PLEC: variants seen among roughly 807,000 people sequenced by gnomAD.
PLEC encodes the protein hemidesmosomal protein 1.
A neutral mutation model predicts 392.8 loss-of-function variants in PLEC; 216 were observed. The ratio of observed to expected loss-of-function variants is 0.55; its 90% CI spans 0.49 to 0.62. The LOEUF (loss-of-function observed/expected upper bound fraction) is 0.62, where lower values mean the gene tolerates loss of function less well. PLEC is among the 20% of genes least tolerant of loss of function. The probability of loss-of-function intolerance (pLI) is 0.00; values close to 1 mark genes in which losing one functional copy is unlikely to be tolerated. For synonymous variants in PLEC, 3,621 were observed against 2,980.6 expected (o/e 1.21, Z -7.00); for missense variants, 6,863 against 6,563.4 (o/e 1.05, Z -1.58).
At position 143,924,565 on chromosome 8, in the gene PLEC, C is replaced by T; in HGVS notation, c.5364G>A (p.Arg1788=). ...SRSTSEKSKQ[R]LEAEAGRFRE... is the part of the protein sequence containing the mutation. ...GGAACCGGCCGGCCTCGGCCTCCAG[C>T]CTCTGCTTGGACTTCTCGCTGGTGG... The change falls in exon 31 of 32, where the codon AGG becomes AGA. Residue 1788 remains arginine, a synonymous_variant. Coordinates refer to ENST00000345136, the MANE Select transcript of PLEC (RefSeq NM_201384.3). 1 of 1,549,028 alleles carries T rather than the reference C, an allele frequency of 6.5e-7. No individual in the cohort carries two copies. Among genetic ancestry groups the T allele is most frequent in the Non-Finnish European group, 8.7e-7 (1 of 1,154,466 alleles).
At chr8:143,952,955 T>A (rs1158659698), upstream of PLEC, among the ~76,000 whole-genome samples, 1 of 149,204 alleles carries the variant, frequency 6.7e-6, no homozygotes, top group Non-Finnish European at 1.5e-5. Context: ...TGGCCCACCC[T>A]GCCAGCTCCG....
At chr8:143,971,741 C>G (rs911167117) in intron 1 of PLEC, among the ~76,000 whole-genome samples, 1 of 152,172 alleles carries the variant, frequency 6.6e-6, no homozygotes, top group African/African-American at 2.4e-5. Context: ...CACACACATG[C>G]GGGCAGCTGC....
At position 143,917,863 on chromosome 8, in the gene PLEC, C is replaced by T. The variant is rs782448637; in HGVS notation, c.11958G>A (p.Thr3986=). Residue 3986 remains threonine (T), a synonymous_variant, in exon 32 of 32, where the codon ACG becomes ACA. Coordinates refer to ENST00000345136, the MANE Select transcript of PLEC (RefSeq NM_201384.3). ...TGCCCATACGCACAGCCTCCTCCAC[C>T]GTCAGCTTCAGTCCCTTGATGGGGT... is the stretch of plus-strand genomic sequence containing the variant. ...VIDPIKGLKL[T]VEEAVRMGIV... is the part of the protein sequence containing the mutation. 1.6e-5 allele frequency: 26 copies of T among 1,613,028 alleles called. No homozygotes were observed. Among genetic ancestry groups the T allele is most frequent in the South Asian group, 6.6e-5 (6 of 91,086 alleles).
Position 143,926,777 on chromosome 8 carries a change from G to A in PLEC, c.4044+7C>T. On this transcript the variant is annotated splice_region_variant and intron_variant, in intron 30 of 31. Coordinates refer to ENST00000345136, the MANE Select transcript of PLEC (RefSeq NM_201384.3). ...CCTCTGCCCAGCCTCCGCCCAACGGGCTGTACCTCCTCCTCCTCCATGCGC... is the reference window on the plus strand; with the variant it reads ...CCTCTGCCCAGCCTCCGCCCAACGGACTGTACCTCCTCCTCCTCCATGCGC... 10 of 1,609,752 alleles carry A rather than the reference G, an allele frequency of 6.2e-6. No individual in the cohort carries two copies. Among genetic ancestry groups the A allele is most frequent in the Non-Finnish European group, 8.5e-6 (10 of 1,176,420 alleles).
chr8:143,953,832 A>G, upstream of PLEC: 1 of 1,605,638 alleles, frequency 6.2e-7, no homozygotes, highest in East Asian at 2.2e-5. Context: ...CCCGCACCGC[A>G]CTGCCCAGGC....
Position 143,925,802 on chromosome 8 carries a change from G to A in PLEC, c.4127C>T (p.Ala1376Val). The part of the protein sequence containing the change: ...EAALEKQRQL[A>V]EAHAQAKAQA... ...TGCCTTTGCCTGGGCGTGCGCCTCGGCCAGCTGCCGCTGCTTCTCCAGCGC... is the reference window on the plus strand; with the variant it reads ...TGCCTTTGCCTGGGCGTGCGCCTCGACCAGCTGCCGCTGCTTCTCCAGCGC... The change falls in exon 31 of 32, where the codon GCC becomes GTC. Residue 1376 changes from alanine (A) to valine (V), a missense_variant. Ala to Val is a moderately conservative substitution (Grantham distance 64). Transcript: ENST00000345136. 2 of 1,569,646 alleles carry A rather than the reference G, an allele frequency of 1.3e-6. No individual in the cohort carries two copies. Among genetic ancestry groups the A allele is most frequent in the South Asian group, 2.3e-5 (2 of 87,678 alleles).
At chr8:143,952,198 ACACACACACACGCG>A (rs1323222223), upstream of PLEC, among the ~76,000 whole-genome samples, 1 of 125,324 alleles carries the variant, frequency 8.0e-6, no homozygotes, top group Non-Finnish European at 1.7e-5. Flanking sequence ...ACACACACAC[ACACACACACACGCG>A]CGCACACACG....
At position 143,924,781 on chromosome 8, in the gene PLEC, G is replaced by C. The variant is rs1554698979; in HGVS notation, c.5148C>G (p.Ile1716Met). ...QQRLAAEQELIRLRAETEQGE... is the reference protein window; with the variant it reads ...QQRLAAEQELMRLRAETEQGE... ...CCTGCTCCGTCTCGGCCCGCAGCCG[G>C]ATCAACTCCTGCTCCGCGGCCAGGC... The change falls in exon 31 of 32, where the codon ATC becomes ATG. Residue 1716 changes from isoleucine (I) to methionine (M), a missense_variant. Ile to Met is a conservative substitution (Grantham distance 10). Coordinates refer to ENST00000345136, the MANE Select transcript of PLEC (RefSeq NM_201384.3). The C allele has an allele frequency of 6.5e-7, 1 of 1,535,546 alleles. No individual in the cohort carries two copies. Among genetic ancestry groups the C allele is most frequent in the East Asian group, 2.4e-5 (1 of 40,864 alleles).
chr8:143,931,283 G>A (rs1198063634), intron 19 of PLEC, among the ~76,000 whole-genome samples: 1 of 108,644 alleles, frequency 9.2e-6, no homozygotes, highest in Non-Finnish European at 2.4e-5. Context: ...TTCCCCCCTT[G>A]GCTGACCTCT....
In PLEC at chr8:143,969,651, C is replaced by T. The variant is rs1350394903; in HGVS notation, c.70+3752G>A. Among the ~76,000 whole-genome samples, 1 of 152,012 alleles carries T rather than the reference C, an allele frequency of 6.6e-6. No individual in the cohort carries two copies. Among genetic ancestry groups the T allele is most frequent in the Non-Finnish European group, 1.5e-5 (1 of 67,986 alleles). ...GTCAGTGAAGAAAGAAAGAGCGGCC[C>T]AGCAGCAGTCCAGCGTTGTGGGCAG... On this transcript the variant is annotated intron_variant, in intron 1 of 31. Transcript: ENST00000356346. The surrounding 1 kb of genome is among the most constrained non-coding windows in gnomAD (Gnocchi z 5.1).
At chr8:143,957,166 C>T (rs762396964), upstream of PLEC, among the ~76,000 whole-genome samples, 30 of 152,122 alleles carry the variant, frequency 2.0e-4, no homozygotes, top group Non-Finnish European at 3.7e-4. Context: ...ATTTAGGCAG[C>T]GGGGAGGAAA....
chr8:143,952,202 ACACACACGCG>A (rs1191865229), upstream of PLEC, among the ~76,000 whole-genome samples: 2 of 125,716 alleles, frequency 1.6e-5, no homozygotes, highest in African/African-American at 6.9e-5. Flanking sequence ...ACACACACAC[ACACACACGCG>A]CGCACACACG....
chr8:143,932,690 C>A lies in PLEC; in HGVS notation c.1760G>T (p.Arg587Leu), dbSNP rs200259757. ...SDEGQLSPAT[R>L]GAYRDCLGRL... ...ACCCAGGCAGTCACGGTAGGCACCCCGGGTGGCGGGGGAGAGCTGGCCCTG... is the reference window on the plus strand; with the variant it reads ...ACCCAGGCAGTCACGGTAGGCACCCAGGGTGGCGGGGGAGAGCTGGCCCTG... Residue 587 changes from arginine to leucine, a missense_variant, in exon 15 of 32, where the codon CGG (arginine) becomes CTG (leucine). By Grantham distance (102) the Arg-to-Leu change is moderately radical (BLOSUM62 -2). Transcript: ENST00000345136. 6.2e-7 allele frequency: 1 copy of A among 1,608,012 alleles called. No homozygotes were observed. The highest frequency in any genetic ancestry group is 8.5e-7 in the Non-Finnish European group (1 of 1,177,950).
intron 17 of PLEC, 21 bp downstream of exon 17, chr8:143,932,109 C>T (rs781801920): frequency 1.2e-6 from 2 of 1,604,662 alleles, no homozygotes; most frequent in Non-Finnish European, 1.7e-6. Flanking sequence ...CGCAGCCCCG[C>T]CCCTACCCAG....
Position 143,917,367 on chromosome 8 carries a change from T to C in PLEC, c.12454A>G (p.Met4152Val). The change falls in exon 32 of 32, where the codon ATG (methionine) becomes GTG (valine). Residue 4152 changes from methionine to valine, a missense_variant. Physicochemically the swap from Met to Val is conservative, Grantham distance 21 (BLOSUM62 1). Coordinates refer to ENST00000345136, the MANE Select transcript of PLEC (RefSeq NM_201384.3). ...VIVDPETGKEMSVYEAYRKGL... is the reference protein window; with the variant it reads ...VIVDPETGKEVSVYEAYRKGL... ...TTGCGGTAGGCCTCGTACACTGACATCTCCTTGCCCGTCTCGGGGTCCACG... is the reference window on the plus strand; with the variant it reads ...TTGCGGTAGGCCTCGTACACTGACACCTCCTTGCCCGTCTCGGGGTCCACG... 1 of 1,610,614 alleles carries C rather than the reference T, an allele frequency of 6.2e-7. No individual in the cohort carries two copies. The highest frequency in any genetic ancestry group is 8.5e-7 in the Non-Finnish European group (1 of 1,179,934).
chr8:143,934,983 CCCCCT>C (rs1828602414), intron 8 of PLEC, 23 bp downstream of exon 8: 1 of 1,611,228 alleles, frequency 6.2e-7, no homozygotes, highest in South Asian at 1.1e-5. Flanking sequence ...CAGGCCCAAG[CCCCCT>C]GCCCTCCGGG....
Position 143,919,726 on chromosome 8 carries a change from G to T in PLEC, c.10095C>A (p.Thr3365=), listed in dbSNP as rs782322478. 1 of 1,606,926 alleles carries T rather than the reference G, an allele frequency of 6.2e-7. No homozygotes were observed. Among genetic ancestry groups the T allele is most frequent in the East Asian group, 2.2e-5 (1 of 44,754 alleles). ...CCTCGTAGATGGACACCTTCTCCTT[G>T]GTGTCCTCCAGGTAGATGCCGGCGA... ...GCLAGIYLED[T]KEKVSIYEAM... is the part of the protein sequence containing the mutation. The change falls in exon 32 of 32, where the codon ACC becomes ACA. Residue 3365 remains threonine (T), a synonymous_variant. Transcript: ENST00000345136.
At chr8:143,955,682 C>T (rs1326851573), upstream of PLEC, among the ~76,000 whole-genome samples, 1 of 152,076 alleles carries the variant, frequency 6.6e-6, no homozygotes, top group Admixed American at 6.6e-5. Context: ...TCACAGCAGC[C>T]TCGACCTCCT....
At position 143,924,996 on chromosome 8, in the gene PLEC, G is replaced by A. The variant is rs868962122; in HGVS notation, c.4933C>T (p.Arg1645Trp). 19 of 1,576,234 alleles carry A rather than the reference G, an allele frequency of 1.2e-5. No homozygotes were observed. Among genetic ancestry groups the A allele is most frequent in the South Asian group, 4.5e-5 (4 of 88,138 alleles). The part of the protein sequence containing the change: ...QLKANEALRL[R>W]LQAEEVAQQK... ...TGCGCCACCTCCTCCGCCTGCAGCC[G>A]CAGCCGTAGCGCCTCGTTGGCCTTG... The change falls in exon 31 of 32, where the codon CGG (arginine) becomes TGG (tryptophan). Residue 1645 changes from arginine (R) to tryptophan (W), a missense_variant. Coordinates refer to ENST00000345136, the MANE Select transcript of PLEC (RefSeq NM_201384.3).
Sources: allele counts gnomAD v4.1 joint callset (sites outside exome capture counted in the v4.1 genomes callset), GRCh38; gene constraint gnomAD v4.1.1; non-coding constraint Gnocchi (gnomAD v3.1); transcripts MANE v1.5; gene names NCBI Gene and HGNC (gene_info 2026-07-23, HGNC 2026-07-21).